The following HIPK2 variants were observed in gnomAD, a reference collection of about 807,000 sequenced individuals.
HIPK2 encodes the protein homeodomain-interacting protein kinase 2.
Under a neutral mutation model 113.7 loss-of-function variants are expected in HIPK2, and 27 were observed. The observed-to-expected ratio is 0.24, with a 90% CI of 0.17 to 0.33. The LOEUF is 0.33. Ranked by LOEUF, HIPK2 falls within the 10% of genes least tolerant of loss-of-function variation. The pLI is 1.00. For synonymous variants in HIPK2, 631 were observed against 642.2 expected, an observed-to-expected ratio of 0.98 and a Z score of 0.26; for missense variants, 1,257 against 1,588.0, an observed-to-expected ratio of 0.79 and a Z score of 3.54.
intron 12 of HIPK2, among the ~76,000 whole-genome samples, chr7:139,589,417 AAC>A (rs1223720282): frequency 8.0e-4 from 122 of 151,850 alleles, no homozygotes; most frequent in African/African-American, 2.8e-3. Flanking sequence ...AAAAAAAAAA[AAC>A]AACAAAAAGA....
chr7:139,592,244 G>A lies in HIPK2; in HGVS notation c.2717+4473C>T, dbSNP rs905928926. Among the ~76,000 whole-genome samples the A allele has an allele frequency of 8.5e-5, 13 of 152,104 alleles. No individual in the cohort carries two copies. The East Asian group carries it at 1.3e-3, about 16-fold the overall frequency. ...TCTTAAAGTTTTCATTTTTGGTAAC[G>A]TCGGCTGAAACAGTGGCTGCTTACA... On this transcript the variant is annotated intron_variant, in intron 12 of 14. Transcript: ENST00000406875.
chr7:139,755,147 G>A (rs561762317), intron 1 of HIPK2, among the ~76,000 whole-genome samples: 1 of 152,270 alleles, frequency 6.6e-6, no homozygotes, highest in Admixed American at 6.5e-5. Context: ...CCATCAGCCT[G>A]GTCAACGAGG....
chr7:139,600,081 C>T (rs1436361331), intron 11 of HIPK2, among the ~76,000 whole-genome samples: 1 of 152,118 alleles, frequency 6.6e-6, no homozygotes, highest in Admixed American at 6.5e-5. Flanking sequence ...CTCTTAGTAA[C>T]TTCCCATCCA....
At chr7:139,640,483 C>T (rs1800972745) in intron 2 of HIPK2, among the ~76,000 whole-genome samples, 1 of 152,102 alleles carries the variant, frequency 6.6e-6, no homozygotes, top group Non-Finnish European at 1.5e-5. Context: ...TGGTTGTGTA[C>T]CTACTTCTGG....
intron 1 of HIPK2, among the ~76,000 whole-genome samples, chr7:139,736,728 A>G (rs1188406975): frequency 1.3e-5 from 2 of 152,256 alleles, no homozygotes; most frequent in Non-Finnish European, 2.9e-5. Context: ...TACAAAACAC[A>G]GCAACCCTTG....
chr7:139,736,488 G>A (rs1471364519), intron 1 of HIPK2, among the ~76,000 whole-genome samples: 1 of 152,170 alleles, frequency 6.6e-6, no homozygotes, highest in Non-Finnish European at 1.5e-5. Context: ...TCCCACAGCA[G>A]GACGCGGAGA....
chr7:139,673,885 T>TAAAAAAAA (rs60905469), intron 2 of HIPK2, among the ~76,000 whole-genome samples: 1 of 73,406 alleles, frequency 1.4e-5, no homozygotes, highest in Non-Finnish European at 2.5e-5. Flanking sequence ...CTATCTGTAC[T>TAAAAAAAA]AAAAAAAAAA....
At chr7:139,773,501 T>C (rs535642532) in intron 1 of HIPK2, among the ~76,000 whole-genome samples, 1 of 152,228 alleles carries the variant, frequency 6.6e-6, no homozygotes, top group Admixed American at 6.5e-5. Context: ...CACAGGCGAA[T>C]TACACGTTCA....
At chr7:139,746,427 T>C (rs1208192391) in intron 1 of HIPK2, among the ~76,000 whole-genome samples, 1 of 152,196 alleles carries the variant, frequency 6.6e-6, no homozygotes, top group East Asian at 1.9e-4. Context: ...ATGTCTTTTG[T>C]TGCTTGGTTT....
intron 1 of HIPK2, among the ~76,000 whole-genome samples, chr7:139,726,955 G>T (rs1438475621): frequency 6.6e-6 from 1 of 152,140 alleles, no homozygotes; most frequent in African/African-American, 2.4e-5. Flanking sequence ...GCTTGGTTTG[G>T]GGCAGATTTT....
At position 139,622,418 on chromosome 7, in the gene HIPK2, T is replaced by C. The variant is rs112885349; in HGVS notation, c.1620-1855A>G. On this transcript the variant is annotated intron_variant, in intron 6 of 14. Transcript: ENST00000406875. ...TGCAGCATAAAACCAATGCATTTTATATTCTTTTTGGAATGGGCTTAAAGC... is the reference window on the plus strand; with the variant it reads ...TGCAGCATAAAACCAATGCATTTTACATTCTTTTTGGAATGGGCTTAAAGC... Among the ~76,000 whole-genome samples the C allele has an allele frequency of 4.6e-3, 702 of 152,380 alleles. 4 individuals carry two copies. The highest frequency in any genetic ancestry group is 0.016 in the African/African-American group (655 of 41,584).
chr7:139,601,229 C>A (rs200183768), intron 10 of HIPK2, among the ~76,000 whole-genome samples: 18 of 146,638 alleles, frequency 1.2e-4, no homozygotes, highest in Admixed American at 5.4e-4. Context: ...GGTGACAGAG[C>A]GAGACACTGT....
chr7:139,644,521 C>G (rs1801141135), intron 2 of HIPK2, among the ~76,000 whole-genome samples: 1 of 152,248 alleles, frequency 6.6e-6, no homozygotes, highest in Admixed American at 6.5e-5. Context: ...GGAATCCCAA[C>G]ACAGTGGCTG....
intron 6 of HIPK2, 114 bp downstream of exon 6, chr7:139,626,487 T>C: frequency 9.4e-7 from 1 of 1,063,918 alleles, no homozygotes; most frequent in African/African-American, 1.6e-5. Flanking sequence ...TCAGCTACAG[T>C]GACAGCTGAG....
intron 1 of HIPK2, among the ~76,000 whole-genome samples, chr7:139,740,250 C>T (rs1319071845): frequency 6.6e-6 from 1 of 152,156 alleles, no homozygotes; most frequent in Non-Finnish European, 1.5e-5. Flanking sequence ...AAGCAGGAGT[C>T]AGGGTTTGTT....
Position 139,681,765 on chromosome 7 carries a change from C to T in HIPK2, c.1103+34167G>A, listed in dbSNP as rs117551352. 4.1e-3 allele frequency among the ~76,000 whole-genome samples: 618 copies of T among 152,310 alleles called. 4 individuals carry two copies. The highest frequency in any genetic ancestry group is 7.4e-3 in the Non-Finnish European group (501 of 68,020). ...AGAGTCACAGCGTGCGGAGCCTGGA[C>T]TTTCCATGCACCAAGCCCTGGGTCC... On this transcript the variant is annotated intron_variant, in intron 2 of 14. Coordinates refer to ENST00000406875, the MANE Select transcript of HIPK2 (RefSeq NM_022740.5).
intron 1 of HIPK2, among the ~76,000 whole-genome samples, chr7:139,733,534 A>G (rs1224952042): frequency 1.3e-5 from 2 of 152,246 alleles, no homozygotes; most frequent in Non-Finnish European, 2.9e-5. Flanking sequence ...AATCAGGGGA[A>G]AAGAGAACAC....
intron 12 of HIPK2, among the ~76,000 whole-genome samples, chr7:139,585,374 G>A (rs1486671690): frequency 6.6e-6 from 1 of 152,254 alleles, no homozygotes; most frequent in East Asian, 1.9e-4. Flanking sequence ...AAGGCTGGGG[G>A]ATCTGGGGGG....
intron 2 of HIPK2, among the ~76,000 whole-genome samples, chr7:139,708,085 A>T (rs1794959064): frequency 6.6e-6 from 1 of 152,136 alleles, no homozygotes; most frequent in Non-Finnish European, 1.5e-5. Flanking sequence ...AGACAGACGG[A>T]CAGCTCAATG....
Sources: allele counts gnomAD v4.1 joint callset (sites outside exome capture counted in the v4.1 genomes callset), GRCh38; gene constraint gnomAD v4.1.1; transcripts MANE v1.5; gene names NCBI Gene and HGNC (gene_info 2026-07-23, HGNC 2026-07-21).